Variants in CD226 observed in about 807,000 individuals in gnomAD.
The protein encoded by CD226 is CD226 antigen.
CD226 carries 24 observed loss-of-function variants against 34.9 expected under a neutral mutation model. That is an observed-to-expected ratio of 0.69 (90% confidence interval 0.50 to 0.97). The LOEUF is 0.97. Among genes scored for constraint, CD226 ranks in the 50% least tolerant of loss-of-function variants. CD226 has a pLI of 0.00. For missense variants in CD226, 397 were observed against 412.7 expected, an observed-to-expected ratio of 0.96 and a Z score of 0.33; for synonymous variants, 148 against 147.4, an observed-to-expected ratio of 1.00 and a Z score of -0.03.
At chr18:69,955,894 G>A (rs1050330678) in intron 1 of CD226, among the ~76,000 whole-genome samples, 11 of 147,398 alleles carry the variant, frequency 7.5e-5, no homozygotes, top group Middle Eastern at 3.7e-3. Flanking sequence ...ATTTCCTCAG[G>A]AACACAATAG....
chr18:69,941,567 A>G (rs1215099963), intron 2 of CD226, among the ~76,000 whole-genome samples: 2 of 152,208 alleles, frequency 1.3e-5, no homozygotes, highest in African/African-American at 2.4e-5. Context: ...ACTTGCATGG[A>G]GCTAGTAGCC....
At chr18:69,901,676 A>G (rs9961714) in intron 2 of CD226, among the ~76,000 whole-genome samples, 29,553 of 151,738 alleles carry the variant, frequency 0.19, 3,306 homozygotes, top group African/African-American at 0.29. Context: ...TCAGGAGATC[A>G]AGACCATCCT....
chr18:69,961,097 A>C (rs775866761), upstream of CD226, among the ~76,000 whole-genome samples: 6 of 152,236 alleles, frequency 3.9e-5, no homozygotes, highest in Non-Finnish European at 8.8e-5. Context: ...ATAATTTTAT[A>C]AGACTCAGTA....
At chr18:69,944,259 TCATGGCTAAGGATAC>T (rs1456701832) in intron 2 of CD226, among the ~76,000 whole-genome samples, 2 of 152,176 alleles carry the variant, frequency 1.3e-5, no homozygotes, top group African/African-American at 4.8e-5. Flanking sequence ...GAGCAATGGA[TCATGGCTAAGGATAC>T]CATCATGAAG....
At chr18:69,902,092 C>T (rs950266057) in intron 2 of CD226, among the ~76,000 whole-genome samples, 1 of 152,122 alleles carries the variant, frequency 6.6e-6, no homozygotes, top group African/African-American at 2.4e-5. Flanking sequence ...AGAACAGAAT[C>T]AGAAACGCAA....
At chr18:69,872,615 C>T (rs558957053) in intron 4 of CD226, among the ~76,000 whole-genome samples, 1 of 152,134 alleles carries the variant, frequency 6.6e-6, no homozygotes, top group Non-Finnish European at 1.5e-5. Flanking sequence ...AGGCAGCACC[C>T]TCCAATTCCT....
upstream of CD226, among the ~76,000 whole-genome samples, chr18:69,950,972 TG>T (rs1387948597): frequency 9.3e-3 from 9 of 972 alleles, no homozygotes; most frequent in South Asian, 0.17. Flanking sequence ...ACTATGATTT[TG>T]TGTGTGTGTG....
chr18:69,929,966 C>A (rs549634362), intron 2 of CD226, among the ~76,000 whole-genome samples: 2 of 152,138 alleles, frequency 1.3e-5, no homozygotes, highest in Non-Finnish European at 2.9e-5. Context: ...GGCTGCATGC[C>A]ATCTCTGGAG....
intron 3 of CD226, among the ~76,000 whole-genome samples, chr18:69,880,393 A>C (rs1198711346): frequency 1.4e-5 from 2 of 147,786 alleles, no homozygotes; most frequent in Non-Finnish European, 3.0e-5. Context: ...GAAAGAAAGA[A>C]AGAAGGAGGG....
At chr18:69,902,344 C>T (rs1310221771) in intron 2 of CD226, among the ~76,000 whole-genome samples, 3 of 152,108 alleles carry the variant, frequency 2.0e-5, no homozygotes, top group African/African-American at 7.2e-5. Context: ...TCGGCCTCAC[C>T]CTTTCCCATG....
At chr18:69,937,332 T>A (rs2055667401) in intron 2 of CD226, among the ~76,000 whole-genome samples, 1 of 152,202 alleles carries the variant, frequency 6.6e-6, no homozygotes. Context: ...AGAAAATAGC[T>A]GTCTATTTTC....
chr18:69,925,736 T>C (rs1321433476), intron 2 of CD226, among the ~76,000 whole-genome samples: 1 of 152,192 alleles, frequency 6.6e-6, no homozygotes, highest in African/African-American at 2.4e-5. Flanking sequence ...CGCTCCCATA[T>C]GAACGACAGT....
upstream of CD226, among the ~76,000 whole-genome samples, chr18:69,960,606 C>T (rs540215944): frequency 6.6e-5 from 10 of 152,250 alleles, no homozygotes; most frequent in South Asian, 1.2e-3. Flanking sequence ...TGCACCAACA[C>T]GCATGGCTAA....
At chr18:69,952,114 T>C (rs2055859470), upstream of CD226, among the ~76,000 whole-genome samples, 1 of 152,136 alleles carries the variant, frequency 6.6e-6, no homozygotes, top group Admixed American at 6.5e-5. Flanking sequence ...TGAAATCATG[T>C]CTTTTGCAGC....
intron 3 of CD226, among the ~76,000 whole-genome samples, chr18:69,874,377 T>G (rs1050014438): frequency 2.6e-5 from 4 of 152,204 alleles, no homozygotes; most frequent in African/African-American, 9.6e-5. Flanking sequence ...ATGTTGTGAG[T>G]GCCTCCCACA....
intron 5 of CD226, among the ~76,000 whole-genome samples, chr18:69,866,460 T>A (rs998152729): frequency 6.6e-6 from 1 of 152,158 alleles, no homozygotes; most frequent in African/African-American, 2.4e-5. Context: ...AAGAAACTTT[T>A]ACAGCTCATC....
intron 3 of CD226, among the ~76,000 whole-genome samples, chr18:69,882,130 T>A (rs1395751684): frequency 1.3e-5 from 2 of 152,296 alleles, no homozygotes; most frequent in Non-Finnish European, 2.9e-5. Context: ...GCCCAGAGAA[T>A]CTAAATAATT....
chr18:69,914,866 CA>C lies in CD226; in HGVS notation c.383-18822del, dbSNP rs534098916. Among the ~76,000 whole-genome samples, 38 of 152,120 alleles carry C rather than the reference CA, an allele frequency of 2.5e-4. 1 individual carries two copies. The highest frequency in any genetic ancestry group is 7.0e-4 in the African/African-American group (29 of 41,504). On this transcript the variant is annotated intron_variant, in intron 2 of 5. Coordinates refer to ENST00000582621, the MANE Select transcript of CD226 (RefSeq NM_001303618.2). ...AAGTAAATTGGCACAAGAAAACATC[CA>C]AAAAAATATTTTTTTACTATCTTAG...
intron 4 of CD226, among the ~76,000 whole-genome samples, chr18:69,869,553 T>C (rs1237791083): frequency 2.0e-5 from 3 of 152,066 alleles, no homozygotes; most frequent in Non-Finnish European, 4.4e-5. Context: ...AACTATTGGG[T>C]ATAAGGCTTA....
Sources: allele counts gnomAD v4.1 joint callset (sites outside exome capture counted in the v4.1 genomes callset), GRCh38; gene constraint gnomAD v4.1.1; transcripts MANE v1.5; gene names NCBI Gene and HGNC (gene_info 2026-07-23, HGNC 2026-07-21).